The following NDUFAB1 variants were observed in gnomAD, a reference collection of about 807,000 sequenced individuals.
NDUFAB1 encodes the protein acyl carrier protein, mitochondrial.
A neutral mutation model predicts 16.1 loss-of-function variants in NDUFAB1; 5 were observed. The observed-to-expected ratio is 0.31, with a 90% CI of 0.16 to 0.65. The LOEUF is 0.65. NDUFAB1 is among the 30% of genes least tolerant of loss of function. The pLI is 0.77. For missense variants in NDUFAB1, 187 were observed against 205.3 expected, an observed-to-expected ratio of 0.91 and a Z score of 0.54; for synonymous variants, 85 against 78.4, an observed-to-expected ratio of 1.08 and a Z score of -0.44.
At chr16:23,586,918 G>T (rs2142234518) in intron 2 of NDUFAB1, among the ~76,000 whole-genome samples, 1 of 152,364 alleles carries the variant, frequency 6.6e-6, no homozygotes, top group South Asian at 2.1e-4. Context: ...AAAGTGCTGG[G>T]ATTACAGGCA....
intron 1 of NDUFAB1, 26 bp from the exon 2 acceptor site, chr16:23,587,345 C>G (rs1001963561): frequency 1.2e-5 from 19 of 1,610,772 alleles, no homozygotes; most frequent in Non-Finnish European, 1.6e-5. Flanking sequence ...GAAGGAAACA[C>G]TGTCATTGAA....
intron 4 of NDUFAB1, chr16:23,582,058 C>G (rs925394811): frequency 3.0e-5 from 12 of 397,826 alleles, no homozygotes; most frequent in African/African-American, 1.7e-4. Flanking sequence ...AGCTGACAAT[C>G]AAGGGAGTTC....
intron 1 of NDUFAB1, among the ~76,000 whole-genome samples, chr16:23,590,638 CTT>C (rs398042088): frequency 2.3e-5 from 3 of 131,808 alleles, no homozygotes; most frequent in Admixed American, 7.9e-5. Flanking sequence ...CCTCTGGTCT[CTT>C]TTTTTTTTTT....
chr16:23,584,850 G>C (rs1966219882), intron 3 of NDUFAB1, among the ~76,000 whole-genome samples: 1 of 152,182 alleles, frequency 6.6e-6, no homozygotes, highest in East Asian at 1.9e-4. Flanking sequence ...ACCTTATAAA[G>C]GTCTCACCTG....
chr16:23,582,472 C>G (rs1351006126), intron 3 of NDUFAB1, 97 bp from the exon 4 acceptor site: 4 of 1,353,882 alleles, frequency 3.0e-6, no homozygotes, highest in Non-Finnish European at 3.8e-6. Context: ...ACAAGTATAT[C>G]AAAACTTTCA....
At chr16:23,586,148 G>A (rs929844909) in intron 2 of NDUFAB1, among the ~76,000 whole-genome samples, 9 of 151,994 alleles carry the variant, frequency 5.9e-5, no homozygotes, top group Admixed American at 5.9e-4. Flanking sequence ...GGCTGGTCTC[G>A]AACCCCTGAC....
intron 3 of NDUFAB1, among the ~76,000 whole-genome samples, chr16:23,583,491 G>A (rs1175953540): frequency 2.1e-5 from 3 of 143,812 alleles, no homozygotes; most frequent in African/African-American, 5.3e-5. Context: ...TGTGGGGAGC[G>A]CCTCTGCCCC....
chr16:23,590,639 T>TATTTCTTTTTTTTTC (rs1555507748), intron 1 of NDUFAB1, among the ~76,000 whole-genome samples: 1 of 86,648 alleles, frequency 1.2e-5, no homozygotes, highest in African/African-American at 5.3e-5. Context: ...CTCTGGTCTC[T>TATTTCTTTTTTTTTC]TTTTTTTTTT....
At chr16:23,595,554 C>T (rs1369755049) in intron 1 of NDUFAB1, 4 of 455,622 alleles carry the variant, frequency 8.8e-6, no homozygotes, top group South Asian at 4.6e-5. Context: ...AGTGGACCCG[C>T]GCAATTCAAA....
intron 3 of NDUFAB1, among the ~76,000 whole-genome samples, chr16:23,584,412 T>C (rs1966215947): frequency 6.6e-6 from 1 of 151,862 alleles, no homozygotes; most frequent in Non-Finnish European, 1.5e-5. Context: ...TGTGTCTGGC[T>C]TCTTTCACTC....
At chr16:23,590,605 C>G (rs931410368) in intron 1 of NDUFAB1, among the ~76,000 whole-genome samples, 14 of 151,290 alleles carry the variant, frequency 9.3e-5, no homozygotes, top group Admixed American at 4.0e-4. Flanking sequence ...AATACTTGAT[C>G]CTACTACCCT....
intron 1 of NDUFAB1, chr16:23,595,639 C>T (rs1228690058): frequency 2.2e-6 from 1 of 457,536 alleles, no homozygotes; most frequent in South Asian, 1.5e-5. Context: ...GCAGAAGGTG[C>T]TGCAGGGAAG....
chr16:23,588,732 C>G (rs1357071916), intron 1 of NDUFAB1, among the ~76,000 whole-genome samples: 1 of 152,202 alleles, frequency 6.6e-6, no homozygotes, highest in African/African-American at 2.4e-5. Flanking sequence ...AATCCCAGCA[C>G]TTTGGGAGGC....
chr16:23,589,057 T>C (rs1224741929), intron 1 of NDUFAB1, among the ~76,000 whole-genome samples: 1 of 152,010 alleles, frequency 6.6e-6, no homozygotes, highest in African/African-American at 2.4e-5. Flanking sequence ...TGCCACACTT[T>C]GGGAAGCCGA....
rs559570483 is a variant in NDUFAB1 at position 23,592,808 on chromosome 16, TC to T, written c.168+3314del. 7.2e-4 allele frequency among the ~76,000 whole-genome samples: 110 copies of T among 152,312 alleles called. 1 individual carries two copies. Among genetic ancestry groups the T allele is most frequent in the African/African-American group, 2.6e-3 (107 of 41,568 alleles). On this transcript the variant is annotated intron_variant, in intron 1 of 4. Transcript: ENST00000007516. ...AGGGTGTAAATGAGTGACTAGTTGC[TC>T]TGAAGTTGGCATAGTGGATGGATTT... is the stretch of plus-strand genomic sequence containing the variant.
At chr16:23,592,953 A>G (rs926100452) in intron 1 of NDUFAB1, among the ~76,000 whole-genome samples, 3 of 152,178 alleles carry the variant, frequency 2.0e-5, no homozygotes, top group African/African-American at 7.2e-5. Context: ...AGGAGTGAAG[A>G]GTCCAGGGAG....
chr16:23,584,267 A>AAAAAAAAAG (rs1966213513), intron 3 of NDUFAB1, among the ~76,000 whole-genome samples: 1 of 136,290 alleles, frequency 7.3e-6, no homozygotes, highest in South Asian at 2.5e-4. Context: ...AAAAAAAAAA[A>AAAAAAAAAG]AAAAAAAGAA....
chr16:23,591,683 G>T (rs1216675745), intron 1 of NDUFAB1, among the ~76,000 whole-genome samples: 1 of 152,124 alleles, frequency 6.6e-6, no homozygotes, highest in East Asian at 1.9e-4. Context: ...TTCATGATAT[G>T]CTCACTCTCT....
rs1340261943 is a variant in NDUFAB1, at chr16:23,585,316, G to C, written c.379+20C>G. The stretch of plus-strand genomic sequence containing the variant: ...CCTTAATCAAAAATCGCAGTGTGTA[G>C]ATAGAAGACTGAGCCTTACCAAATT... On this transcript the variant is annotated intron_variant, in intron 3 of 4. Coordinates refer to ENST00000007516, the MANE Select transcript of NDUFAB1 (RefSeq NM_005003.3). 1.9e-6 allele frequency: 3 copies of C among 1,563,626 alleles called. No homozygotes were observed. Among genetic ancestry groups the C allele is most frequent in the Non-Finnish European group, 2.6e-6 (3 of 1,134,112 alleles).
Sources: gnomAD v4.1 joint callset for allele counts (sites outside exome capture counted in the v4.1 genomes callset) on GRCh38, gnomAD v4.1.1 for gene constraint, MANE v1.5 for transcripts, NCBI Gene and HGNC (gene_info 2026-07-23, HGNC 2026-07-21) for gene names.